DSCAML1: variants seen among roughly 807,000 people sequenced by gnomAD.
DSCAML1 encodes the protein cell adhesion molecule DSCAML1.
DSCAML1 carries 38 observed loss-of-function variants against 200.5 expected under a neutral mutation model. The ratio of observed to expected loss-of-function variants is 0.19; its 90% CI spans 0.15 to 0.25. DSCAML1 has a LOEUF of 0.25. Ranked by LOEUF, DSCAML1 falls within the 10% of genes least tolerant of loss-of-function variation. DSCAML1 has a pLI of 1.00. For synonymous variants in DSCAML1, 1,215 were observed against 1,165.0 expected (o/e 1.04, Z -0.87); for missense variants, 2,223 against 2,858.8 (o/e 0.78, Z 5.07).
At chr11:117,795,129 G>A (rs2055546526) in intron 1 of DSCAML1, among the ~76,000 whole-genome samples, 1 of 152,174 alleles carries the variant, frequency 6.6e-6, no homozygotes, top group Non-Finnish European at 1.5e-5. Flanking sequence ...CTGGAAGGGG[G>A]AGGGGAGTGT....
chr11:117,775,224 G>A (rs1045584032), intron 3 of DSCAML1, among the ~76,000 whole-genome samples: 16 of 152,106 alleles, frequency 1.1e-4, no homozygotes, highest in Non-Finnish European at 1.9e-4. Context: ...TGCACCTCAT[G>A]ACTCATTTGA....
chr11:117,767,376 G>A (rs2054917871), intron 3 of DSCAML1, among the ~76,000 whole-genome samples: 2 of 152,266 alleles, frequency 1.3e-5, no homozygotes, highest in South Asian at 4.2e-4. Context: ...ACTTATCACG[G>A]ACGAGCTCAA....
intron 1 of DSCAML1, among the ~76,000 whole-genome samples, chr11:117,796,570 G>C (rs761716892): frequency 6.6e-6 from 1 of 152,258 alleles, no homozygotes; most frequent in Non-Finnish European, 1.5e-5. Flanking sequence ...TCCGCGGCGG[G>C]AGAGGGACGC....
chr11:117,679,667 C>T (rs1329237495), intron 3 of DSCAML1, among the ~76,000 whole-genome samples: 1 of 152,186 alleles, frequency 6.6e-6, no homozygotes, highest in African/African-American at 2.4e-5. Context: ...TGTCTAGGCT[C>T]AAAGTCTATT....
At chr11:117,573,232 C>T (rs1050600869) in intron 3 of DSCAML1, among the ~76,000 whole-genome samples, 3 of 152,228 alleles carry the variant, frequency 2.0e-5, no homozygotes, top group South Asian at 2.1e-4. Context: ...GCTGGCCGTA[C>T]GCTCTCTGCA....
chr11:117,650,622 C>G (rs988287241), intron 3 of DSCAML1, among the ~76,000 whole-genome samples: 2 of 151,604 alleles, frequency 1.3e-5, no homozygotes, highest in African/African-American at 4.9e-5. Flanking sequence ...TGAGGCTGCC[C>G]TTGGAGTCCA....
chr11:117,733,004 C>T (rs752636232), intron 3 of DSCAML1, among the ~76,000 whole-genome samples: 33 of 151,954 alleles, frequency 2.2e-4, no homozygotes, highest in African/African-American at 6.5e-4. Flanking sequence ...TAAAATGAAG[C>T]AATTATTTAG....
chr11:117,474,700 C>T (rs75581341), intron 14 of DSCAML1, among the ~76,000 whole-genome samples: 6,256 of 152,104 alleles, frequency 0.041, 183 homozygotes, highest in African/African-American at 0.066. Flanking sequence ...ACTCTTCCTT[C>T]TCCCTTTCTC....
chr11:117,456,301 T>C (rs1021616442), intron 19 of DSCAML1, among the ~76,000 whole-genome samples: 3 of 152,258 alleles, frequency 2.0e-5, no homozygotes. Context: ...ACCCTGGAGC[T>C]GTCCTACTCA....
At chr11:117,559,974 A>G (rs2137412216) in intron 3 of DSCAML1, among the ~76,000 whole-genome samples, 1 of 152,152 alleles carries the variant, frequency 6.6e-6, no homozygotes, top group Non-Finnish European at 1.5e-5. Context: ...AAACCCAGAG[A>G]AGCTCCAGCC....
intron 21 of DSCAML1, among the ~76,000 whole-genome samples, chr11:117,442,018 ATG>A (rs1284592510): frequency 8.4e-6 from 1 of 118,562 alleles, no homozygotes; most frequent in Non-Finnish European, 1.6e-5. Flanking sequence ...GTGCATCTGC[ATG>A]TGAGTGTGTG....
chr11:117,435,502 A>G (rs2047896216), intron 27 of DSCAML1, 142 bp downstream of exon 27: 2 of 982,614 alleles, frequency 2.0e-6, no homozygotes. Flanking sequence ...GAGGTTTCAG[A>G]AAGTCTGAGT....
intron 3 of DSCAML1, among the ~76,000 whole-genome samples, chr11:117,688,527 C>T (rs550301481): frequency 1.3e-5 from 2 of 152,318 alleles, no homozygotes; most frequent in Non-Finnish European, 2.9e-5. Context: ...CACAGACTTG[C>T]AGCTCCTATC....
intron 3 of DSCAML1, among the ~76,000 whole-genome samples, chr11:117,655,725 G>A (rs55728331): frequency 0.021 from 3,248 of 152,280 alleles, 67 homozygotes; most frequent in Non-Finnish European, 0.03. Context: ...TATGTCAGGT[G>A]CCATGAGGAT....
chr11:117,431,935 A>G (rs933440262), intron 30 of DSCAML1, among the ~76,000 whole-genome samples: 1 of 152,016 alleles, frequency 6.6e-6, no homozygotes, highest in African/African-American at 2.4e-5. Flanking sequence ...GGGGCAGTGG[A>G]GGGCATTCTC....
intron 3 of DSCAML1, among the ~76,000 whole-genome samples, chr11:117,776,378 A>G (rs2055129321): frequency 1.3e-5 from 2 of 152,224 alleles, no homozygotes; most frequent in East Asian, 3.9e-4. Flanking sequence ...TGTTTTAGTC[A>G]CACGACGCAG....
intron 21 of DSCAML1, among the ~76,000 whole-genome samples, chr11:117,442,023 AGT>A (rs1007769720): frequency 2.9e-5 from 3 of 104,962 alleles, no homozygotes; most frequent in Middle Eastern, 5.0e-3. Flanking sequence ...TCTGCATGTG[AGT>A]GTGTGTATGT....
At chr11:117,441,006 G>A (rs2048034841) in intron 21 of DSCAML1, among the ~76,000 whole-genome samples, 1 of 152,014 alleles carries the variant, frequency 6.6e-6, no homozygotes. Flanking sequence ...GGATAGTTTG[G>A]TGGAGGGGGT....
intron 3 of DSCAML1, among the ~76,000 whole-genome samples, chr11:117,686,773 C>T (rs2053407242): frequency 6.6e-6 from 1 of 152,168 alleles, no homozygotes; most frequent in African/African-American, 2.4e-5. Context: ...AGAGATCTGA[C>T]CACAGAGGCA....
Sources: gnomAD v4.1 joint callset for allele counts (sites outside exome capture counted in the v4.1 genomes callset) on GRCh38, gnomAD v4.1.1 for gene constraint, MANE v1.5 for transcripts, NCBI Gene and HGNC (gene_info 2026-07-23, HGNC 2026-07-21) for gene names.